CD109: variants seen among roughly 807,000 people sequenced by gnomAD.
CD109 encodes CD109 molecule, also known as CD109 antigen.
Under a neutral mutation model 165.8 loss-of-function variants are expected in CD109, and 149 were observed. That is an observed-to-expected ratio of 0.90 (90% CI 0.79 to 1.03). The LOEUF is 1.03. Ranked by LOEUF, CD109 falls within the 50% of genes least tolerant of loss-of-function variation. CD109 has a pLI of 0.00. For missense variants in CD109, 1,712 were observed against 1,677.8 expected, an observed-to-expected ratio of 1.02 and a Z score of -0.36; for synonymous variants, 585 against 592.1, an observed-to-expected ratio of 0.99 and a Z score of 0.18.
rs936922564 is a variant in CD109 at position 73,818,257 on chromosome 6, G to C, written c.3912-131G>C. On this transcript the variant is annotated intron_variant, in intron 30 of 32. Transcript: ENST00000287097. ...ATAACCTGTTTTAAAATTCTCTATA[G>C]GGAATTTTATTTGAACTCAAACAGT... 3.8e-5 allele frequency: 33 copies of C among 875,634 alleles called. No individual in the cohort carries two copies. The African/African-American group carries it at 5.6e-4, about 15-fold the overall frequency. The allele number at this position is 875,634 out of a possible 1,614,324, so 54.2% of individuals were successfully genotyped here.
At chr6:73,778,728 GT>G (rs1159754515) in intron 15 of CD109, among the ~76,000 whole-genome samples, 1 of 151,942 alleles carries the variant, frequency 6.6e-6, no homozygotes, top group African/African-American at 2.4e-5. Flanking sequence ...TGCAGCCATG[GT>G]TGTTGTTAGC....
intron 2 of CD109, among the ~76,000 whole-genome samples, chr6:73,703,193 T>A (rs1771144526): frequency 6.6e-6 from 1 of 152,240 alleles, no homozygotes; most frequent in Non-Finnish European, 1.5e-5. Flanking sequence ...TAAGGTTTTC[T>A]ATTGCTGGGA....
At chr6:73,787,738 C>T (rs1430962382) in intron 21 of CD109, among the ~76,000 whole-genome samples, 3 of 152,022 alleles carry the variant, frequency 2.0e-5, no homozygotes, top group African/African-American at 4.8e-5. Flanking sequence ...TATTAAAACA[C>T]GGCCAAGTCG....
At chr6:73,822,637 G>T (rs879621660) in intron 32 of CD109, among the ~76,000 whole-genome samples, 2 of 152,210 alleles carry the variant, frequency 1.3e-5, no homozygotes, top group Non-Finnish European at 2.9e-5. Flanking sequence ...TTTCTTGGGT[G>T]CATGGGGAAC....
the CD109 span, among the ~76,000 whole-genome samples, chr6:73,687,393 TCTCC>T: frequency 7.3e-5 from 11 of 151,078 alleles, no homozygotes; most frequent in South Asian, 2.1e-3. Context: ...TTCTCCTCTC[TCTCC>T]TTCCTTCCTT....
Position 73,815,098 on chromosome 6 carries a change from CAT to C in CD109, c.3887_3888del (p.His1296ArgfsTer14), listed in dbSNP as rs1582205431. 2.5e-6 allele frequency: 4 copies of C among 1,587,182 alleles called. No homozygotes were observed. The highest frequency in any genetic ancestry group is 3.4e-6 in the Non-Finnish European group (4 of 1,171,596). ...AAAAGAAAATAAAGATGATCTCAATCATGTGGATTTGAATGTGTGTACAAGGT... is the reference window on the plus strand; with the variant it reads ...AAAAGAAAATAAAGATGATCTCAATCGTGGATTTGAATGTGTGTACAAGGT... ...AVKENKDDLN[H>X]VDLNVCTSFS... On this transcript the variant is annotated frameshift_variant, in exon 30 of 33. Transcript: ENST00000287097. LOFTEE classifies it high-confidence loss of function.
Position 73,823,603 on chromosome 6 carries a change from G to C in CD109, c.4308G>C (p.Lys1436Asn), listed in dbSNP as rs574804047. 3.2e-5 allele frequency: 51 copies of C among 1,612,656 alleles called. No homozygotes were observed. Among genetic ancestry groups the C allele is most frequent in the Non-Finnish European group, 4.2e-5 (49 of 1,179,488 alleles). The stretch of plus-strand genomic sequence containing the variant: ...CAGTCATTTTTATTTTCTGTTTCAA[G>C]CTTCTGTACTTTATGGAACTTTGGC... ...HSSVIFIFCF[K>N]LLYFMELWL The change falls in exon 33 of 33, where the codon AAG becomes AAC. Residue 1436 changes from lysine (K) to asparagine (N), a missense_variant. By Grantham distance (94) the Lys-to-Asn change is moderately conservative (BLOSUM62 0). Transcript: ENST00000287097.
intron 15 of CD109, among the ~76,000 whole-genome samples, chr6:73,775,222 T>C (rs1266498493): frequency 6.6e-6 from 1 of 152,088 alleles, no homozygotes; most frequent in East Asian, 1.9e-4. Flanking sequence ...TATGAGGTTA[T>C]TGTGTATACA....
chr6:73,697,433 C>G lies in CD109; in HGVS notation c.108C>G (p.Ile36Met), dbSNP rs776339213. 1.9e-5 allele frequency: 31 copies of G among 1,614,004 alleles called. No individual in the cohort carries two copies. The highest frequency in any genetic ancestry group is 2.5e-5 in the Non-Finnish European group (30 of 1,180,022). ...PRFLVTAPGI[I>M]RPGGNVTIGV... ...TTCTGGTGACAGCCCCAGGGATCAT[C>G]AGGCCCGGAGGAAATGTGACTATTG... is the stretch of plus-strand genomic sequence containing the variant. Residue 36 changes from isoleucine (I) to methionine (M), a missense_variant, in exon 2 of 33, where the codon ATC becomes ATG. Physicochemically the swap from Ile to Met is conservative, Grantham distance 10 (BLOSUM62 1). Transcript: ENST00000287097.
chr6:73,725,407 G>A (rs996756237), intron 3 of CD109, among the ~76,000 whole-genome samples: 17 of 152,048 alleles, frequency 1.1e-4, no homozygotes, highest in Non-Finnish European at 2.1e-4. Flanking sequence ...GCTGAAAGGA[G>A]AAGGCGGGGC....
At chr6:73,766,901 ACTAT>A in intron 12 of CD109, 41 bp downstream of exon 12, 1 of 1,607,322 alleles carries the variant, frequency 6.2e-7, no homozygotes, top group East Asian at 2.2e-5. Context: ...ATATAATTGG[ACTAT>A]CTTGCTTTTG....
At chr6:73,696,353 G>T (rs1325152599) in intron 1 of CD109, 64 bp downstream of exon 1, 21 of 1,307,476 alleles carry the variant, frequency 1.6e-5, no homozygotes, top group African/African-American at 4.7e-5. Flanking sequence ...GCGGCTCTGG[G>T]CCAGGGCTTC....
chr6:73,714,103 T>G (rs1408997458), intron 2 of CD109, among the ~76,000 whole-genome samples: 1 of 152,186 alleles, frequency 6.6e-6, no homozygotes, highest in Non-Finnish European at 1.5e-5. Flanking sequence ...GCTGGTTTGT[T>G]GGGGCGAAGC....
At chr6:73,696,115 T>C, upstream of CD109, 1 of 1,165,690 alleles carries the variant, frequency 8.6e-7, no homozygotes, top group Non-Finnish European at 1.2e-6. Flanking sequence ...TAAACTCGAA[T>C]TAAGAGGGAA....
At chr6:73,742,873 G>A (rs895217619) in intron 5 of CD109, among the ~76,000 whole-genome samples, 2 of 152,210 alleles carry the variant, frequency 1.3e-5, no homozygotes, top group African/African-American at 4.8e-5. Flanking sequence ...ATGGGAGCTA[G>A]GAGTTTGAAT....
At chr6:73,749,564 C>A (rs573021751) in intron 5 of CD109, among the ~76,000 whole-genome samples, 2 of 152,246 alleles carry the variant, frequency 1.3e-5, no homozygotes, top group African/African-American at 4.8e-5. Flanking sequence ...ATTTTGTAGA[C>A]AACAGGCAGC....
chr6:73,765,721 A>G (rs1773809806), intron 10 of CD109, among the ~76,000 whole-genome samples: 1 of 152,108 alleles, frequency 6.6e-6, no homozygotes, highest in Admixed American at 6.5e-5. Context: ...GTTATTTTGG[A>G]GCCGCGGAAG....
At chr6:73,774,454 G>T (rs1369186321) in intron 15 of CD109, among the ~76,000 whole-genome samples, 3 of 152,190 alleles carry the variant, frequency 2.0e-5, no homozygotes, top group Non-Finnish European at 4.4e-5. Flanking sequence ...GTAAGAGAAG[G>T]TCTCCTGAGG....
upstream of CD109, among the ~76,000 whole-genome samples, chr6:73,693,153 TA>T (rs34981826): frequency 4.7e-5 from 7 of 150,404 alleles, no homozygotes; most frequent in African/African-American, 1.5e-4. Flanking sequence ...GGTAATTTAT[TA>T]AAAAAAAAAG....
Sources: allele counts gnomAD v4.1 joint callset (sites outside exome capture counted in the v4.1 genomes callset), GRCh38; gene constraint gnomAD v4.1.1; transcripts MANE v1.5; gene names NCBI Gene and HGNC (gene_info 2026-07-23, HGNC 2026-07-21).